The following MLLT3 variants were observed in gnomAD, a reference collection of about 807,000 sequenced individuals.
The protein encoded by MLLT3 is MLLT3 super elongation complex subunit.
MLLT3 carries 4 observed loss-of-function variants against 53.2 expected under a neutral mutation model. The observed-to-expected ratio is 0.08, with a 90% CI of 0.04 to 0.17. The LOEUF (loss-of-function observed/expected upper bound fraction) is 0.17, where lower values mean the gene tolerates loss of function less well. Ranked by LOEUF, MLLT3 falls within the 10% of genes least tolerant of loss-of-function variation. The pLI is 1.00. For missense variants in MLLT3, 569 were observed against 684.0 expected, an observed-to-expected ratio of 0.83 and a Z score of 1.87; for synonymous variants, 283 against 230.6, an observed-to-expected ratio of 1.23 and a Z score of -2.06.
chr9:20,352,657 A>T (rs933966303), intron 10 of MLLT3, among the ~76,000 whole-genome samples: 4 of 151,476 alleles, frequency 2.6e-5, no homozygotes, highest in African/African-American at 9.7e-5. Flanking sequence ...ATATTTATAG[A>T]TGTAAGCAAA....
At chr9:20,562,773 C>T (rs1587072042) in intron 2 of MLLT3, among the ~76,000 whole-genome samples, 1 of 152,162 alleles carries the variant, frequency 6.6e-6, no homozygotes, top group African/African-American at 2.4e-5. Context: ...CCCTGCCTAT[C>T]TTTCTGCCTG....
In MLLT3 at chr9:20,346,270, T is replaced by G; in HGVS notation, c.*173A>C. 1 of 668,366 alleles carries G rather than the reference T, an allele frequency of 1.5e-6. No homozygotes were observed. Among genetic ancestry groups the G allele is most frequent in the Non-Finnish European group, 2.3e-6 (1 of 428,344 alleles). The allele number at this position is 668,366 out of a possible 1,614,324, so 41.4% of individuals were successfully genotyped here. A position where few individuals can be genotyped will look rare whatever the true frequency, so the allele number is the denominator to read the frequency against. On this transcript the variant is annotated 3_prime_UTR_variant, in exon 11 of 11. Transcript: ENST00000380338. ...CTCTCCTTTATCAAGAGATGATGAC[T>G]GGCTTTAAAGAAAAATAAAGCTGAA...
chr9:20,609,394 A>G (rs1462815057), intron 2 of MLLT3, among the ~76,000 whole-genome samples: 1 of 152,070 alleles, frequency 6.6e-6, no homozygotes, highest in Non-Finnish European at 1.5e-5. Context: ...ACTTTCTTCT[A>G]ATCTGTTCAC....
chr9:20,377,085 A>G (rs1307891690), intron 5 of MLLT3, among the ~76,000 whole-genome samples: 1 of 152,178 alleles, frequency 6.6e-6, no homozygotes, highest in Non-Finnish European at 1.5e-5. Flanking sequence ...GAAAAATGTT[A>G]CAAGTGAGAG....
chr9:20,354,543 T>C (rs549800714), intron 9 of MLLT3, among the ~76,000 whole-genome samples: 1 of 152,346 alleles, frequency 6.6e-6, no homozygotes, highest in South Asian at 2.1e-4. Flanking sequence ...ATTCTCTTAA[T>C]TCCCAATTCA....
chr9:20,560,785 C>A (rs1174967167), intron 2 of MLLT3, among the ~76,000 whole-genome samples: 1 of 151,912 alleles, frequency 6.6e-6, no homozygotes, highest in African/African-American at 2.4e-5. Flanking sequence ...ATTTTTCTTT[C>A]ATTGATACAT....
intron 2 of MLLT3, among the ~76,000 whole-genome samples, chr9:20,460,885 GA>G (rs2118869500): frequency 6.6e-6 from 1 of 152,262 alleles, no homozygotes; most frequent in South Asian, 2.1e-4. Flanking sequence ...TGCCACAGAG[GA>G]AATTTTTCTT....
chr9:20,583,152 A>G (rs1414087046), intron 2 of MLLT3, among the ~76,000 whole-genome samples: 1 of 152,120 alleles, frequency 6.6e-6, no homozygotes, highest in Admixed American at 6.6e-5. Context: ...CTGGCCAAAC[A>G]AAGGAGTTAC....
chr9:20,385,110 C>A (rs960117590), intron 5 of MLLT3, among the ~76,000 whole-genome samples: 1 of 152,142 alleles, frequency 6.6e-6, no homozygotes, highest in Non-Finnish European at 1.5e-5. Flanking sequence ...TAATAAAAAT[C>A]TCTAACCGAT....
chr9:20,347,624 T>C (rs1820909526), intron 10 of MLLT3, among the ~76,000 whole-genome samples: 1 of 152,312 alleles, frequency 6.6e-6, no homozygotes. Flanking sequence ...AATAATTTTA[T>C]TGGACATGGA....
At chr9:20,360,925 G>C in intron 7 of MLLT3, 84 bp from the exon 8 acceptor site, 1 of 1,171,448 alleles carries the variant, frequency 8.5e-7, no homozygotes, top group Admixed American at 1.8e-5. Flanking sequence ...GGAAAGCACA[G>C]AATCCAAACA....
chr9:20,350,818 C>T (rs1821007355), intron 10 of MLLT3, among the ~76,000 whole-genome samples: 1 of 152,096 alleles, frequency 6.6e-6, no homozygotes, highest in South Asian at 2.1e-4. Flanking sequence ...CTGTGGCTCC[C>T]TTCCCCAATT....
chr9:20,460,118 C>CT (rs1824072900), intron 2 of MLLT3, among the ~76,000 whole-genome samples: 1 of 152,118 alleles, frequency 6.6e-6, no homozygotes, highest in Non-Finnish European at 1.5e-5. Flanking sequence ...TAAAGCAATT[C>CT]TTTTTTAAAC....
rs1363015163 is a variant in MLLT3 at position 20,456,695 on chromosome 9, A to T, written c.276+9T>A. On this transcript the variant is annotated intron_variant, in intron 3 of 10. Coordinates refer to ENST00000380338, the MANE Select transcript of MLLT3 (RefSeq NM_004529.4). ...TCTACTGAAAGATTAATGGGTAAAG[A>T]TTACATACCTTGTTTTTAAAATAAA... The T allele has an allele frequency of 6.3e-7, 1 of 1,584,780 alleles. No homozygotes were observed. The highest frequency in any genetic ancestry group is 8.6e-7 in the Non-Finnish European group (1 of 1,157,524).
intron 2 of MLLT3, among the ~76,000 whole-genome samples, chr9:20,610,246 T>TA (rs1379087854): frequency 1.3e-5 from 2 of 152,070 alleles, no homozygotes; most frequent in Admixed American, 6.6e-5. Context: ...GATTAGGTAG[T>TA]AAAAAAATGA....
chr9:20,469,345 C>T (rs1171734089), intron 2 of MLLT3, among the ~76,000 whole-genome samples: 1 of 152,124 alleles, frequency 6.6e-6, no homozygotes, highest in Non-Finnish European at 1.5e-5. Flanking sequence ...GCACATTAGG[C>T]ATAGCACGTT....
At chr9:20,501,754 T>A (rs1434964847) in intron 2 of MLLT3, among the ~76,000 whole-genome samples, 8 of 77,908 alleles carry the variant, frequency 1.0e-4, no homozygotes. Context: ...CGAGACTCCG[T>A]CTCAAAAAAA....
At chr9:20,439,324 C>T (rs1387884382) in intron 4 of MLLT3, among the ~76,000 whole-genome samples, 1 of 151,910 alleles carries the variant, frequency 6.6e-6, no homozygotes, top group Non-Finnish European at 1.5e-5. Context: ...CCACTATATT[C>T]CAGCTTGGGT....
intron 2 of MLLT3, among the ~76,000 whole-genome samples, chr9:20,501,897 A>G (rs1207618107): frequency 1.3e-5 from 2 of 151,840 alleles, no homozygotes; most frequent in Non-Finnish European, 2.9e-5. Flanking sequence ...CCTGGCCAAT[A>G]TGGTGAAACC....
Sources: allele counts gnomAD v4.1 joint callset (sites outside exome capture counted in the v4.1 genomes callset), GRCh38; gene constraint gnomAD v4.1.1; transcripts MANE v1.5; gene names NCBI Gene and HGNC (gene_info 2026-07-23, HGNC 2026-07-21).